Variants in SIPA1L1 observed in about 807,000 individuals in gnomAD.
SIPA1L1 encodes the protein signal-induced proliferation-associated 1-like protein 1.
A neutral mutation model predicts 162.7 loss-of-function variants in SIPA1L1; 26 were observed. The ratio of observed to expected loss-of-function variants is 0.16; its 90% CI spans 0.12 to 0.22. The LOEUF (loss-of-function observed/expected upper bound fraction) is 0.22. Among genes scored for constraint, SIPA1L1 ranks in the 10% least tolerant of loss-of-function variants. The pLI, the probability that SIPA1L1 is intolerant of heterozygous loss-of-function variation, is 1.00. For synonymous variants in SIPA1L1, 829 were observed against 837.4 expected, an observed-to-expected ratio of 0.99 and a Z score of 0.17; for missense variants, 1,874 against 2,241.0, an observed-to-expected ratio of 0.84 and a Z score of 3.31.
intron 19 of SIPA1L1, 137 bp downstream of exon 19, chr14:71,724,972 A>AT (rs2084093609): frequency 2.8e-6 from 2 of 725,664 alleles, no homozygotes; most frequent in Non-Finnish European, 4.6e-6. Flanking sequence ...CTATCATCCC[A>AT]TTTCCCTGAT....
chr14:71,499,790 T>G (rs1020020583), intron 2 of SIPA1L1, among the ~76,000 whole-genome samples: 3 of 152,174 alleles, frequency 2.0e-5, no homozygotes, highest in Non-Finnish European at 2.9e-5. Flanking sequence ...AGTTTCTTCA[T>G]GATATTAAAG....
intron 4 of SIPA1L1, among the ~76,000 whole-genome samples, chr14:71,540,622 T>C (rs1216729182): frequency 6.6e-6 from 1 of 152,220 alleles, no homozygotes; most frequent in African/African-American, 2.4e-5. Flanking sequence ...GTGATGTCTT[T>C]GCTGAATGAG....
Position 71,671,006 on chromosome 14 carries a change from A to G in SIPA1L1, c.2256-113A>G. On this transcript the variant is annotated intron_variant, in intron 10 of 23. Coordinates refer to ENST00000381232, the MANE Select transcript of SIPA1L1 (RefSeq NM_001386936.1). ...TGTGTGTTGTTTCTCATGGAAAAAT[A>G]AGCAGCTATTTTGTATCTGAGGTAC... is the stretch of plus-strand genomic sequence containing the variant. 3.7e-6 allele frequency: 3 copies of G among 801,760 alleles called. 1 individual carries two copies. The South Asian group carries it at 5.7e-5, about 15-fold the overall frequency. The allele number at this position is 801,760 out of a possible 1,614,324, so 49.7% of individuals were successfully genotyped here. A position where few individuals can be genotyped will look rare whatever the true frequency, so the allele number is the denominator to read the frequency against.
At chr14:71,532,088 T>G (rs950226043) in intron 4 of SIPA1L1, among the ~76,000 whole-genome samples, 17 of 152,218 alleles carry the variant, frequency 1.1e-4, no homozygotes, top group African/African-American at 3.9e-4. Context: ...TCAAAAGATT[T>G]TTTCCCCTTT....
chr14:71,528,820 T>C (rs1279198142), intron 3 of SIPA1L1: 1 of 152,128 alleles, frequency 6.6e-6, no homozygotes, highest in African/African-American at 2.4e-5. Context: ...AATATTATAA[T>C]ACTACAGACA....
intron 5 of SIPA1L1, among the ~76,000 whole-genome samples, chr14:71,600,359 T>C (rs1442793038): frequency 2.0e-5 from 3 of 152,218 alleles, no homozygotes; most frequent in African/African-American, 7.2e-5. Flanking sequence ...AGGGTGTCCT[T>C]TCCCCATTGT....
At chr14:71,652,574 A>G (rs2042715405) in intron 8 of SIPA1L1, among the ~76,000 whole-genome samples, 1 of 150,948 alleles carries the variant, frequency 6.6e-6, no homozygotes, top group Non-Finnish European at 1.5e-5. Flanking sequence ...GACTCCAATT[A>G]CACATATGTT....
intron 2 of SIPA1L1, among the ~76,000 whole-genome samples, chr14:71,419,801 A>T (rs2043059125): frequency 6.6e-6 from 1 of 151,966 alleles, no homozygotes; most frequent in Non-Finnish European, 1.5e-5. Flanking sequence ...CCGGCCAAGG[A>T]GGATCTCTTG....
chr14:71,653,824 C>T (rs1410613084), intron 8 of SIPA1L1, among the ~76,000 whole-genome samples: 1 of 152,168 alleles, frequency 6.6e-6, no homozygotes, highest in African/African-American at 2.4e-5. Context: ...CAATTATCCC[C>T]ACTTTACAGA....
intron 2 of SIPA1L1, among the ~76,000 whole-genome samples, chr14:71,347,618 A>G (rs1181272829): frequency 1.3e-5 from 2 of 152,148 alleles, no homozygotes; most frequent in African/African-American, 4.8e-5. Context: ...ACCATTTTCC[A>G]TTTCCACGAG....
chr14:71,321,218 G>A (rs1208478565), intron 2 of SIPA1L1, 37 bp downstream of exon 2: 2 of 152,368 alleles, frequency 1.3e-5, no homozygotes, highest in East Asian at 3.9e-4. Flanking sequence ...GGGGGGAGCG[G>A]GGGTGCAGGA....
At chr14:71,358,990 C>A (rs1034642142) in intron 2 of SIPA1L1, among the ~76,000 whole-genome samples, 8 of 152,164 alleles carry the variant, frequency 5.3e-5, no homozygotes, top group African/African-American at 1.9e-4. Context: ...TAAAATTGAA[C>A]TTGAGATTTG....
chr14:71,584,251 G>A (rs1420641882), intron 4 of SIPA1L1, among the ~76,000 whole-genome samples: 1 of 152,168 alleles, frequency 6.6e-6, no homozygotes, highest in Admixed American at 6.5e-5. Context: ...GGGTTCAGGA[G>A]TACAGATGCT....
chr14:71,709,697 C>A, intron 17 of SIPA1L1, 33 bp downstream of exon 17: 1 of 1,574,008 alleles, frequency 6.4e-7, no homozygotes. Context: ...TGATTCCCAG[C>A]CCAGACCTAA....
chr14:71,467,847 T>C (rs2047123429), intron 2 of SIPA1L1, among the ~76,000 whole-genome samples: 2 of 117,378 alleles, frequency 1.7e-5, no homozygotes, highest in Non-Finnish European at 1.8e-5. Context: ...TAGACCCCCA[T>C]CTCTTAAAAA....
At chr14:71,455,010 G>T (rs1159370196) in intron 2 of SIPA1L1, among the ~76,000 whole-genome samples, 1 of 152,172 alleles carries the variant, frequency 6.6e-6, no homozygotes, top group Non-Finnish European at 1.5e-5. Flanking sequence ...TTTGACAGGG[G>T]CTGACACAGA....
intron 4 of SIPA1L1, chr14:71,573,457 G>A (rs1268700699): frequency 2.4e-6 from 1 of 423,546 alleles, no homozygotes; most frequent in African/African-American, 2.0e-5. Flanking sequence ...CATTCACAGT[G>A]TGTCCTGTTT....
intron 19 of SIPA1L1, among the ~76,000 whole-genome samples, chr14:71,729,783 C>G (rs2084587540): frequency 6.6e-6 from 1 of 152,194 alleles, no homozygotes; most frequent in African/African-American, 2.4e-5. Flanking sequence ...TTGTTTTTAA[C>G]CACACACGAT....
At chr14:71,533,077 T>C (rs2053588702) in intron 4 of SIPA1L1, among the ~76,000 whole-genome samples, 1 of 152,208 alleles carries the variant, frequency 6.6e-6, no homozygotes, top group African/African-American at 2.4e-5. Context: ...GATACTCCTC[T>C]CTTCCCTTTC....
Sources: allele counts gnomAD v4.1 joint callset (sites outside exome capture counted in the v4.1 genomes callset), GRCh38; gene constraint gnomAD v4.1.1; transcripts MANE v1.5; gene names NCBI Gene and HGNC (gene_info 2026-07-23, HGNC 2026-07-21).